The following CADM1 variants were observed in gnomAD, a reference collection of about 807,000 sequenced individuals.
The protein encoded by CADM1 is TSLC-1.
CADM1 carries 15 observed loss-of-function variants against 53.1 expected under a neutral mutation model. The ratio of observed to expected loss-of-function variants is 0.28; its 90% CI spans 0.19 to 0.44. The LOEUF is 0.44. Ranked by LOEUF, CADM1 falls within the 20% of genes least tolerant of loss-of-function variation. The probability of loss-of-function intolerance (pLI) is 1.00; values close to 1 mark genes in which losing one functional copy is unlikely to be tolerated. For synonymous variants in CADM1, 281 were observed against 243.0 expected, an observed-to-expected ratio of 1.16 and a Z score of -1.45; for missense variants, 434 against 611.3, an observed-to-expected ratio of 0.71 and a Z score of 3.06.
At position 115,198,421 on chromosome 11, in the gene CADM1, C is replaced by G; in HGVS notation, c.1096G>C (p.Glu366Gln). 6.3e-7 allele frequency: 1 copy of G among 1,595,648 alleles called. No individual in the cohort carries two copies. Among genetic ancestry groups the G allele is most frequent in the Non-Finnish European group, 8.5e-7 (1 of 1,178,664 alleles). Reference sequence around the variant, plus strand: ...TGATACCAACCGTGAACTGCTGGTTCTGTCGTCGCCGTTGTGTCTACAGAC... The same window carrying G: ...TGATACCAACCGTGAACTGCTGGTTGTGTCGTCGCCGTTGTGTCTACAGAC... ...TIITDTTATT[E>Q]PAVHGLTQLP... Residue 366 changes from glutamate to glutamine, a missense_variant, in exon 9 of 12, where the codon GAA becomes CAA. Transcript: ENST00000331581.
chr11:115,366,976 T>C (rs1408628466), intron 1 of CADM1, among the ~76,000 whole-genome samples: 2 of 152,212 alleles, frequency 1.3e-5, no homozygotes, highest in Admixed American at 6.5e-5. Context: ...ATCTTGTCAG[T>C]TGGAATTTAA....
At chr11:115,491,371 C>T (rs1330692534) in intron 1 of CADM1, among the ~76,000 whole-genome samples, 2 of 152,098 alleles carry the variant, frequency 1.3e-5, no homozygotes, top group African/African-American at 4.8e-5. Context: ...CGAGACCATC[C>T]TGGCTAACAC....
At chr11:115,361,733 A>T (rs1017275254) in intron 1 of CADM1, among the ~76,000 whole-genome samples, 21 of 147,202 alleles carry the variant, frequency 1.4e-4, no homozygotes, top group African/African-American at 2.7e-4. Flanking sequence ...TATTATTATT[A>T]TTTTTTTTTT....
intron 1 of CADM1, among the ~76,000 whole-genome samples, chr11:115,447,787 T>C (rs1227869750): frequency 6.6e-6 from 1 of 152,174 alleles, no homozygotes; most frequent in African/African-American, 2.4e-5. Flanking sequence ...TTCCCCAGCA[T>C]ATTAGAGGGT....
chr11:115,201,444 CCA>C (rs1212226691), intron 8 of CADM1, among the ~76,000 whole-genome samples: 1 of 152,186 alleles, frequency 6.6e-6, no homozygotes, highest in Non-Finnish European at 1.5e-5. Context: ...CATGCAGAAA[CCA>C]CAGACACCCT....
chr11:115,332,726 G>A (rs1591716811), intron 1 of CADM1, among the ~76,000 whole-genome samples: 3 of 152,196 alleles, frequency 2.0e-5, no homozygotes. Flanking sequence ...CTGAGCAGAA[G>A]GTAGATTAGA....
rs140827482 is a variant in CADM1, at chr11:115,473,898, C to T, written c.124+30373G>A. ...ACTATTAAGAGACTGAAAAGAAAAC[C>T]TACAGTCTATGAGAAAACGTATGCA... On this transcript the variant is annotated intron_variant, in intron 1 of 11. Transcript: ENST00000331581. 1.6e-3 allele frequency among the ~76,000 whole-genome samples: 246 copies of T among 152,042 alleles called. 3 individuals carry two copies. In the East Asian group the frequency reaches 0.045, roughly 28 times the overall value.
chr11:115,197,484 T>G (rs1052185676), intron 9 of CADM1, among the ~76,000 whole-genome samples: 5 of 152,252 alleles, frequency 3.3e-5, no homozygotes, highest in Admixed American at 2.0e-4. Flanking sequence ...AGGGCTAGAT[T>G]TGAGCTAAGT....
intron 1 of CADM1, among the ~76,000 whole-genome samples, chr11:115,250,183 A>T (rs562541649): frequency 1.3e-5 from 2 of 152,226 alleles, no homozygotes; most frequent in Non-Finnish European, 1.5e-5. Flanking sequence ...GATTACAAGC[A>T]TGAGCCACTG....
At chr11:115,232,434 G>A (rs1941853657) in intron 3 of CADM1, among the ~76,000 whole-genome samples, 1 of 152,186 alleles carries the variant, frequency 6.6e-6, no homozygotes, top group Admixed American at 6.5e-5. Flanking sequence ...ATGCCAATTA[G>A]TTTGCAGCAA....
At chr11:115,407,396 G>A (rs1037852259) in intron 1 of CADM1, among the ~76,000 whole-genome samples, 4 of 152,156 alleles carry the variant, frequency 2.6e-5, no homozygotes, top group Non-Finnish European at 5.9e-5. Context: ...ACCATAAGGA[G>A]AAAGAACCAA....
intron 1 of CADM1, among the ~76,000 whole-genome samples, chr11:115,379,001 C>T (rs1946509786): frequency 1.3e-5 from 2 of 152,148 alleles, no homozygotes. Flanking sequence ...TAAAGAGGTT[C>T]CCAAAAGAGG....
intron 1 of CADM1, among the ~76,000 whole-genome samples, chr11:115,470,961 C>T (rs1189188374): frequency 6.6e-6 from 1 of 152,200 alleles, no homozygotes; most frequent in Non-Finnish European, 1.5e-5. Context: ...TGCTCCCTTT[C>T]CTCGTGTCAG....
At chr11:115,221,754 C>T (rs962153158) in intron 5 of CADM1, among the ~76,000 whole-genome samples, 2 of 152,240 alleles carry the variant, frequency 1.3e-5, no homozygotes, top group East Asian at 1.9e-4. Context: ...GAAAAAGGTA[C>T]TTTGCAGTTT....
chr11:115,196,595 T>TAAAAAAAAAAAAAA lies in CADM1; in HGVS notation c.1111+1797_1111+1810dup, dbSNP rs61694033. On this transcript the variant is annotated intron_variant, in intron 9 of 11. Coordinates refer to ENST00000331581, the MANE Select transcript of CADM1 (RefSeq NM_001301043.2). ...ACACTAACAATGATAGCTGATGAAC[T>TAAAAAAAAAAAAAA]AAAAAAAAAAAAAAAAAAAAAAAAA... 6.9e-4 allele frequency among the ~76,000 whole-genome samples: 53 copies of TAAAAAAAAAAAAAA among 76,878 alleles called. 3 individuals carry two copies. The highest frequency in any genetic ancestry group is 1.5e-3 in the East Asian group (3 of 2,000). 50.4% of individuals were successfully genotyped at this position (76,878 alleles called of 152,430 possible).
intron 1 of CADM1, among the ~76,000 whole-genome samples, chr11:115,288,480 C>T (rs1365950977): frequency 6.6e-6 from 1 of 152,020 alleles, no homozygotes; most frequent in African/African-American, 2.4e-5. Context: ...AAATCACCAA[C>T]CCCTGTTTCT....
At chr11:115,251,906 A>C (rs1892773) in intron 1 of CADM1, among the ~76,000 whole-genome samples, 32,722 of 152,084 alleles carry the variant, frequency 0.22, 3,740 homozygotes, top group South Asian at 0.35. Flanking sequence ...TTCTACTCTT[A>C]TGCCTGCTGA....
At chr11:115,252,313 C>A (rs1402034018) in intron 1 of CADM1, among the ~76,000 whole-genome samples, 1 of 152,092 alleles carries the variant, frequency 6.6e-6, no homozygotes, top group Non-Finnish European at 1.5e-5. Context: ...AGAACTATGA[C>A]CTTCTCTTCC....
intron 1 of CADM1, among the ~76,000 whole-genome samples, chr11:115,442,450 G>A (rs935962568): frequency 3.9e-5 from 6 of 152,042 alleles, no homozygotes; most frequent in Admixed American, 1.3e-4. Context: ...TGTCACAAGC[G>A]AATAGACAGA....
Sources: allele counts gnomAD v4.1 joint callset (sites outside exome capture counted in the v4.1 genomes callset), GRCh38; gene constraint gnomAD v4.1.1; transcripts MANE v1.5; gene names NCBI Gene and HGNC (gene_info 2026-07-23, HGNC 2026-07-21).